Variants in ANKRD36B observed in about 807,000 individuals in gnomAD.
ANKRD36B encodes the protein ankyrin repeat domain-containing protein 36B.
Under a neutral mutation model 135.7 loss-of-function variants are expected in ANKRD36B, and 37 were observed. The ratio of observed to expected loss-of-function variants is 0.27; its 90% CI spans 0.21 to 0.36. The LOEUF is 0.36. Ranked by LOEUF, ANKRD36B falls within the 10% of genes least tolerant of loss-of-function variation. ANKRD36B has a pLI of 1.00. For missense variants in ANKRD36B, 549 were observed against 1,037.1 expected (o/e 0.53, Z 6.46); for synonymous variants, 179 against 348.1 (o/e 0.51, Z 5.41).
chr2:97,560,785 T>C (rs761004790), intron 7 of ANKRD36B, 47 bp downstream of exon 7: 4 of 1,591,140 alleles, frequency 2.5e-6, no homozygotes, highest in Non-Finnish European at 3.4e-6. Context: ...GTAGGTTTCA[T>C]AGACTATACA....
At chr2:97,582,182 A>T (rs1459610735) in intron 3 of ANKRD36B, among the ~76,000 whole-genome samples, 2 of 152,292 alleles carry the variant, frequency 1.3e-5, no homozygotes, top group African/African-American at 4.8e-5. Flanking sequence ...AACCTATGCA[A>T]CTATACCATG....
intron 34 of ANKRD36B, among the ~76,000 whole-genome samples, chr2:97,534,567 A>G (rs1370189978): frequency 1.0e-5 from 1 of 97,056 alleles, no homozygotes; most frequent in East Asian, 2.3e-4. Flanking sequence ...GCAAACAGGT[A>G]TACGGAAAGG....
chr2:97,527,592 TA>T lies in ANKRD36B; in HGVS notation c.2266-4126del, dbSNP rs368529841. 0.013 allele frequency among the ~76,000 whole-genome samples: 1,242 copies of T among 95,372 alleles called. 367 individuals are homozygous for T. In the East Asian group the frequency reaches 0.16, roughly 12 times the overall value. 62.6% of individuals were successfully genotyped at this position (95,372 alleles called of 152,430 possible). ...ATGTAAATGGACTAAATGCTCCAAT[TA>T]AAAGACACAGACTGGCAAATTGGAT... On this transcript the variant is annotated intron_variant, in intron 35 of 43. Transcript: ENST00000359901.
intron 3 of ANKRD36B, among the ~76,000 whole-genome samples, chr2:97,584,305 CA>C (rs1343871645): frequency 8.2e-6 from 1 of 122,210 alleles, no homozygotes; most frequent in African/African-American, 3.7e-5. Context: ...TAATCATCCC[CA>C]AAACTGAAGC....
intron 6 of ANKRD36B, among the ~76,000 whole-genome samples, chr2:97,570,675 C>T (rs1374718442): frequency 6.6e-6 from 1 of 152,176 alleles, no homozygotes; most frequent in African/African-American, 2.4e-5. Flanking sequence ...GGTAACTCCA[C>T]AGGAGAGGGC....
chr2:97,549,411 A>C lies in ANKRD36B; in HGVS notation c.1477+8T>G. ...TGAACATGACATTAAATCTGTTTTC[A>C]AAATTACCTGTCCTAGATTTTTCTC... On this transcript the variant is annotated splice_region_variant and intron_variant, in intron 20 of 43. Transcript: ENST00000359901. 1 of 1,553,736 alleles carries C rather than the reference A, an allele frequency of 6.4e-7. No individual in the cohort carries two copies. Among genetic ancestry groups the C allele is most frequent in the Non-Finnish European group, 8.7e-7 (1 of 1,149,766 alleles).
At chr2:97,560,600 T>C in intron 8 of ANKRD36B, 65 bp downstream of exon 8, 1 of 1,585,044 alleles carries the variant, frequency 6.3e-7, no homozygotes, top group Non-Finnish European at 8.5e-7. Context: ...ACTGATTTAT[T>C]TGGGGAAGGG....
chr2:97,553,052 A>G, intron 16 of ANKRD36B, 116 bp downstream of exon 16: 1 of 1,267,778 alleles, frequency 7.9e-7, no homozygotes, highest in East Asian at 2.5e-5. Context: ...GACCTGCTGG[A>G]TCAGAATGTG....
chr2:97,578,989 A>G lies in ANKRD36B; in HGVS notation c.612T>C (p.Leu204=). The change falls in exon 5 of 44, where the codon CTT becomes CTC. Residue 204 remains leucine, a synonymous_variant. Coordinates refer to ENST00000359901, the MANE Select transcript of ANKRD36B (RefSeq NM_001393939.1). ...AAAACACATCAATATTGTGCTGCAG[A>G]AGAAGAATGACTATATCTTTTTCTC... ...TLGEKDIVIL[L]LQHNIDVFSR... is the part of the protein sequence containing the mutation. 6.2e-7 allele frequency: 1 copy of G among 1,612,762 alleles called. No homozygotes were observed. The highest frequency in any genetic ancestry group is 8.5e-7 in the Non-Finnish European group (1 of 1,179,128).
intron 15 of ANKRD36B, 34 bp from the exon 16 acceptor site, chr2:97,553,274 T>C (rs1234556333): frequency 6.3e-7 from 1 of 1,597,352 alleles, no homozygotes; most frequent in Non-Finnish European, 8.5e-7. Flanking sequence ...AATAAATAAA[T>C]AAATAAATGA....
At chr2:97,525,733 G>A (rs2078166223) in intron 35 of ANKRD36B, among the ~76,000 whole-genome samples, 1 of 97,702 alleles carries the variant, frequency 1.0e-5, no homozygotes, top group Non-Finnish European at 2.7e-5. Context: ...CTTAAAAAAT[G>A]GCGCACCAGG....
At chr2:97,545,492 C>T (rs1282576603) in intron 24 of ANKRD36B, among the ~76,000 whole-genome samples, 174 bp downstream of exon 24, 1 of 95,718 alleles carries the variant, frequency 1.0e-5, no homozygotes, top group Non-Finnish European at 2.8e-5. Flanking sequence ...GTACTTTCAG[C>T]ATGGACAAGG....
intron 1 of ANKRD36B, 24 bp downstream of exon 1, chr2:97,589,501 G>A: frequency 6.5e-7 from 1 of 1,540,362 alleles, no homozygotes; most frequent in Non-Finnish European, 8.8e-7. Context: ...TCCTCCCGCA[G>A]CCCCGGCTCC....
chr2:97,530,123 C>T (rs2104443780), intron 35 of ANKRD36B, among the ~76,000 whole-genome samples: 1 of 96,064 alleles, frequency 1.0e-5, no homozygotes, highest in African/African-American at 3.1e-5. Context: ...AAGAACAAAG[C>T]TGGAGGCATC....
In ANKRD36B at chr2:97,553,158, G is replaced by C. The variant is rs772853784; in HGVS notation, c.1273+10C>G. On this transcript the variant is annotated intron_variant, in intron 16 of 43. Coordinates refer to ENST00000359901, the MANE Select transcript of ANKRD36B (RefSeq NM_001393939.1). ...TTGAACATGACATTGAATGTGTTTT[G>C]CAAAATTACCTGTCCCAGATTTTTC... The C allele has an allele frequency of 2.5e-6, 4 of 1,608,450 alleles. No individual in the cohort carries two copies. The South Asian group carries it at 4.4e-5, about 18-fold the overall frequency.
At position 97,522,214 on chromosome 2, in the gene ANKRD36B, C is replaced by G. The variant is rs1018392682; in HGVS notation, c.2407+1112G>C. Among the ~76,000 whole-genome samples the G allele has an allele frequency of 8.8e-4, 77 of 87,818 alleles. 19 individuals are homozygous for G. The highest frequency in any genetic ancestry group is 5.9e-4 in the Non-Finnish European group (20 of 34,114). 57.6% of individuals were successfully genotyped at this position (87,818 alleles called of 152,430 possible). ...ATCTTCTGCTCTTCAAAAGATACTA[C>G]AAAGCAAGTGAAAAGTCAACCCAAA... On this transcript the variant is annotated intron_variant, in intron 36 of 43. Transcript: ENST00000359901.
Position 97,578,940 on chromosome 2 carries a change from C to A in ANKRD36B, c.661G>T (p.Ala221Ser), listed in dbSNP as rs775394656. 25 of 1,613,024 alleles carry A rather than the reference C, an allele frequency of 1.5e-5. No individual in the cohort carries two copies. Among genetic ancestry groups the A allele is most frequent in the Non-Finnish European group, 2.1e-5 (25 of 1,179,242 alleles). ...VFSRDVYGKL[A>S]EDYASEAENR... Reference sequence around the variant, plus strand: ...TCAGCCTCACTGGCATAATCTTCTGCAAGCTTTCCATACACATCTCGAGAA... The same window carrying A: ...TCAGCCTCACTGGCATAATCTTCTGAAAGCTTTCCATACACATCTCGAGAA... Residue 221 changes from alanine to serine, a missense_variant, in exon 5 of 44, where the codon GCA (alanine) becomes TCA (serine). Transcript: ENST00000359901.
At position 97,549,426 on chromosome 2, in the gene ANKRD36B, A is replaced by T; in HGVS notation, c.1470T>A (p.Ser490=). The T allele has an allele frequency of 6.4e-7, 1 of 1,564,424 alleles. No homozygotes were observed. Among genetic ancestry groups the T allele is most frequent in the Non-Finnish European group, 8.7e-7 (1 of 1,155,006 alleles). ...ATCTGTTTTCAAAATTACCTGTCCT[A>T]GATTTTTCTCCATCCTTTTTTTCTC... ...IAREKKDGEK[S]RTVSFEQPPG... is the part of the protein sequence containing the mutation. The change falls in exon 20 of 44, where the codon TCT becomes TCA. Residue 490 remains serine (S), a synonymous_variant. Coordinates refer to ENST00000359901, the MANE Select transcript of ANKRD36B (RefSeq NM_001393939.1).
intron 35 of ANKRD36B, among the ~76,000 whole-genome samples, chr2:97,528,643 T>G (rs1451744076): frequency 1.1e-5 from 1 of 94,420 alleles, no homozygotes; most frequent in Non-Finnish European, 2.8e-5. Context: ...TCAACAAAAT[T>G]GATAGACCGC....
Sources: allele counts gnomAD v4.1 joint callset (sites outside exome capture counted in the v4.1 genomes callset), GRCh38; gene constraint gnomAD v4.1.1; transcripts MANE v1.5; gene names NCBI Gene and HGNC (gene_info 2026-07-23, HGNC 2026-07-21).